The following KCNB2 variants were observed in gnomAD, a reference collection of about 807,000 sequenced individuals.
KCNB2 encodes the protein delayed rectifier potassium channel protein.
KCNB2 carries 15 observed loss-of-function variants against 61.5 expected under a neutral mutation model. The observed-to-expected ratio is 0.24, with a 90% confidence interval of 0.16 to 0.38. The LOEUF is 0.38. Among genes scored for constraint, KCNB2 ranks in the 10% least tolerant of loss-of-function variants. KCNB2 has a pLI of 1.00. For missense variants in KCNB2, 828 were observed against 1,125.2 expected, an observed-to-expected ratio of 0.74 and a Z score of 3.78; for synonymous variants, 457 against 446.0, an observed-to-expected ratio of 1.02 and a Z score of -0.31.
intron 2 of KCNB2, among the ~76,000 whole-genome samples, chr8:72,640,738 T>C (rs1465674456): frequency 6.6e-6 from 1 of 152,148 alleles, no homozygotes; most frequent in Non-Finnish European, 1.5e-5. Flanking sequence ...CTATTGATGT[T>C]ACATCGTGGT....
chr8:72,852,655 A>G (rs562555758), intron 2 of KCNB2, among the ~76,000 whole-genome samples: 2 of 152,328 alleles, frequency 1.3e-5, no homozygotes, highest in African/African-American at 4.8e-5. Context: ...TGGCAGGGAT[A>G]CTCCAATAGA....
chr8:72,622,760 C>T (rs571765989), intron 2 of KCNB2, among the ~76,000 whole-genome samples: 1 of 152,216 alleles, frequency 6.6e-6, no homozygotes, highest in Admixed American at 6.5e-5. Context: ...TAAAACATAA[C>T]CTGTATTCAG....
intron 2 of KCNB2, among the ~76,000 whole-genome samples, chr8:72,587,549 G>A (rs986308122): frequency 6.6e-5 from 10 of 152,236 alleles, no homozygotes; most frequent in Admixed American, 3.9e-4. Flanking sequence ...ACAACATGGT[G>A]AAATGTGGGC....
At position 72,567,851 on chromosome 8, in the gene KCNB2, C is replaced by T; in HGVS notation, c.117C>T (p.Ile39=). 6.2e-7 allele frequency: 1 copy of T among 1,614,004 alleles called. No individual in the cohort carries two copies. The highest frequency in any genetic ancestry group is 1.7e-4 in the Middle Eastern group (1 of 6,060). Residue 39 remains isoleucine (I), a synonymous_variant, in exon 2 of 3, where the codon ATC becomes ATT. Transcript: ENST00000523207. ...RSKTCSRRVK[I]NVGGLNHEVL... ...AAACATGCTCCAGGAGAGTTAAGAT[C>T]AATGTGGGGGGCCTCAACCACGAAG...
intron 2 of KCNB2, among the ~76,000 whole-genome samples, chr8:72,719,474 G>C (rs1283806801): frequency 6.6e-6 from 1 of 151,848 alleles, no homozygotes; most frequent in Non-Finnish European, 1.5e-5. Context: ...ATCCTGTTGT[G>C]TTTATTGCTA....
chr8:72,764,001 A>G (rs1563583699), intron 2 of KCNB2, among the ~76,000 whole-genome samples: 1 of 152,120 alleles, frequency 6.6e-6, no homozygotes, highest in South Asian at 2.1e-4. Flanking sequence ...AGGAATTACA[A>G]GTAGTTCTCC....
intron 2 of KCNB2, among the ~76,000 whole-genome samples, chr8:72,821,659 A>AAAAAAAAAAAAAAAAC (rs1554535735): frequency 8.5e-6 from 1 of 117,084 alleles, no homozygotes. Context: ...AAAAAAAAAA[A>AAAAAAAAAAAAAAAAC]ACACACACAC....
chr8:72,571,756 C>A (rs906043037), intron 2 of KCNB2, among the ~76,000 whole-genome samples: 1 of 152,250 alleles, frequency 6.6e-6, no homozygotes, highest in East Asian at 1.9e-4. Flanking sequence ...GTTACCATGA[C>A]AGGAATTGCT....
In KCNB2 at chr8:72,832,759, C is replaced by T. The variant is rs1809719695; in HGVS notation, c.580-103176C>T. On this transcript the variant is annotated intron_variant, in intron 2 of 2. Coordinates refer to ENST00000523207, the MANE Select transcript of KCNB2 (RefSeq NM_004770.3). ...AATAAGTGTTTTCTCGTGCTATTTCCCGTATGTCCCCGTCCCACAGGGCAA... is the reference window on the plus strand; with the variant it reads ...AATAAGTGTTTTCTCGTGCTATTTCTCGTATGTCCCCGTCCCACAGGGCAA... Among the ~76,000 whole-genome samples the T allele has an allele frequency of 2.0e-5, 3 of 152,176 alleles. No individual in the cohort carries two copies. In the South Asian group the frequency reaches 6.2e-4, roughly 32 times the overall value.
chr8:72,621,408 C>T (rs1805711361), intron 2 of KCNB2, among the ~76,000 whole-genome samples: 1 of 152,222 alleles, frequency 6.6e-6, no homozygotes, highest in African/African-American at 2.4e-5. Flanking sequence ...CAACTTGACA[C>T]CATCATCAGT....
chr8:72,678,391 G>C (rs959290267), intron 2 of KCNB2, among the ~76,000 whole-genome samples: 3 of 152,048 alleles, frequency 2.0e-5, no homozygotes, highest in South Asian at 2.1e-4. Context: ...AGTCCTGCAG[G>C]GTCCATGTGA....
intron 2 of KCNB2, among the ~76,000 whole-genome samples, chr8:72,700,012 C>T (rs567820667): frequency 2.0e-5 from 3 of 152,008 alleles, no homozygotes; most frequent in Non-Finnish European, 2.9e-5. Context: ...TACTATGCAG[C>T]GAGAAAAAAA....
intron 1 of KCNB2, among the ~76,000 whole-genome samples, chr8:72,562,383 C>T (rs769833278): frequency 5.9e-5 from 9 of 152,130 alleles, no homozygotes; most frequent in Non-Finnish European, 1.2e-4. Context: ...CATAATGCCA[C>T]GCTGCTGTAG....
At chr8:72,631,897 C>T (rs911235252) in intron 2 of KCNB2, among the ~76,000 whole-genome samples, 23 of 152,026 alleles carry the variant, frequency 1.5e-4, no homozygotes, top group African/African-American at 5.1e-4. Context: ...AGCCCACTGC[C>T]TTTTTCTGTA....
intron 2 of KCNB2, among the ~76,000 whole-genome samples, chr8:72,579,203 C>T (rs907816368): frequency 6.6e-6 from 1 of 152,178 alleles, no homozygotes; most frequent in African/African-American, 2.4e-5. Context: ...CGAGAGCCCT[C>T]CTCACCTAGG....
intron 2 of KCNB2, among the ~76,000 whole-genome samples, chr8:72,649,495 A>G (rs540779450): frequency 6.6e-6 from 1 of 152,246 alleles, no homozygotes; most frequent in Admixed American, 6.5e-5. Context: ...TGCTATGCTC[A>G]CTTCCTGGGT....
At chr8:72,702,571 G>A (rs1017709357) in intron 2 of KCNB2, among the ~76,000 whole-genome samples, 1 of 152,196 alleles carries the variant, frequency 6.6e-6, no homozygotes, top group Non-Finnish European at 1.5e-5. Context: ...GAAAGGAGGG[G>A]AGGGCTGACC....
intron 2 of KCNB2, among the ~76,000 whole-genome samples, chr8:72,702,055 A>G (rs1162434737): frequency 6.6e-6 from 1 of 152,182 alleles, no homozygotes; most frequent in Non-Finnish European, 1.5e-5. Context: ...TAACTTAGGA[A>G]AAAAAATACT....
intron 2 of KCNB2, among the ~76,000 whole-genome samples, chr8:72,580,136 C>G (rs1806868843): frequency 6.6e-6 from 1 of 152,180 alleles, no homozygotes; most frequent in African/African-American, 2.4e-5. Context: ...AACTACTCAG[C>G]TCTGCTGCTG....
Sources: allele counts gnomAD v4.1 joint callset (sites outside exome capture counted in the v4.1 genomes callset), GRCh38; gene constraint gnomAD v4.1.1; transcripts MANE v1.5; gene names NCBI Gene and HGNC (gene_info 2026-07-23, HGNC 2026-07-21).